Variants in PRKCA observed in about 807,000 individuals in gnomAD.
The protein encoded by PRKCA is protein kinase C alpha.
Under a neutral mutation model 87.0 loss-of-function variants are expected in PRKCA, and 27 were observed. That is an observed-to-expected ratio of 0.31 (90% CI 0.23 to 0.43). PRKCA has a LOEUF of 0.43. PRKCA is among the 20% of genes least tolerant of loss of function. The pLI is 1.00. For synonymous variants in PRKCA, 329 were observed against 311.1 expected (o/e 1.06, Z -0.61); for missense variants, 518 against 852.3 (o/e 0.61, Z 4.88).
intron 2 of PRKCA, 160 bp downstream of exon 2, chr17:66,306,287 G>A (rs1904810134): frequency 1.5e-6 from 1 of 655,530 alleles, no homozygotes; most frequent in African/African-American, 1.9e-5. Flanking sequence ...AAATAATTGG[G>A]GCCTACTAAT....
intron 5 of PRKCA, among the ~76,000 whole-genome samples, chr17:66,649,742 G>T (rs76909364): frequency 6.6e-6 from 1 of 152,130 alleles, no homozygotes; most frequent in Non-Finnish European, 1.5e-5. Context: ...CCAAACATGG[G>T]ACTTAAAACC....
chr17:66,384,697 C>T (rs943418007), intron 2 of PRKCA, among the ~76,000 whole-genome samples: 17 of 151,904 alleles, frequency 1.1e-4, no homozygotes, highest in Admixed American at 5.2e-4. Flanking sequence ...GGTGCCATCT[C>T]GGCTCACTGC....
chr17:66,321,583 G>T (rs546159119), intron 2 of PRKCA, among the ~76,000 whole-genome samples: 1 of 151,994 alleles, frequency 6.6e-6, no homozygotes. Flanking sequence ...TTGCTCTGTC[G>T]TCTATGCTGG....
At chr17:66,480,153 G>C (rs555885156) in intron 2 of PRKCA, among the ~76,000 whole-genome samples, 1 of 152,054 alleles carries the variant, frequency 6.6e-6, no homozygotes, top group South Asian at 2.1e-4. Flanking sequence ...AAATTTGTGG[G>C]TGCTTCTATG....
chr17:66,774,315 T>G, intron 14 of PRKCA: 1 of 1,335,740 alleles, frequency 7.5e-7, no homozygotes, highest in Non-Finnish European at 9.7e-7. Flanking sequence ...CAGTGTCAGT[T>G]TCACGTTATG....
intron 3 of PRKCA, among the ~76,000 whole-genome samples, chr17:66,596,278 A>G (rs1250352593): frequency 6.6e-6 from 1 of 152,202 alleles, no homozygotes; most frequent in Non-Finnish European, 1.5e-5. Context: ...GGAGCCCAAT[A>G]AAAGCAAGAT....
chr17:66,514,686 C>T (rs1309698338), intron 3 of PRKCA, among the ~76,000 whole-genome samples: 2 of 151,958 alleles, frequency 1.3e-5, no homozygotes, highest in African/African-American at 4.8e-5. Flanking sequence ...TGTGAGATGC[C>T]TGCTTCATTA....
At chr17:66,517,752 C>A (rs757450775) in intron 3 of PRKCA, among the ~76,000 whole-genome samples, 1 of 152,132 alleles carries the variant, frequency 6.6e-6, no homozygotes, top group African/African-American at 2.4e-5. Flanking sequence ...AAGTTCTTGG[C>A]GCAAGTGCCA....
chr17:66,752,846 A>G (rs1974468781), intron 13 of PRKCA, among the ~76,000 whole-genome samples: 1 of 152,198 alleles, frequency 6.6e-6, no homozygotes, highest in Non-Finnish European at 1.5e-5. Flanking sequence ...CAGAAGCCAC[A>G]GGCTGCTGAA....
intron 3 of PRKCA, among the ~76,000 whole-genome samples, chr17:66,552,269 G>A (rs1968358821): frequency 6.6e-6 from 1 of 152,222 alleles, no homozygotes; most frequent in African/African-American, 2.4e-5. Flanking sequence ...CTGCACTCCA[G>A]TCTGGGTAAT....
chr17:66,775,284 C>A (rs935317454), intron 14 of PRKCA: 1 of 985,100 alleles, frequency 1.0e-6, no homozygotes, highest in African/African-American at 1.7e-5. Flanking sequence ...GCCCTACTAC[C>A]TTTTAGGGTC....
intron 14 of PRKCA, 43 bp downstream of exon 14, chr17:66,774,110 A>C: frequency 6.2e-7 from 1 of 1,613,706 alleles, no homozygotes; most frequent in South Asian, 1.1e-5. Flanking sequence ...TTGCTGTGTT[A>C]TGTGAATACT....
chr17:66,781,976 C>T (rs1336553246), intron 14 of PRKCA, among the ~76,000 whole-genome samples: 1 of 151,096 alleles, frequency 6.6e-6, no homozygotes, highest in Non-Finnish European at 1.5e-5. Context: ...TGCAGTGGTG[C>T]AATCTCGGCT....
intron 9 of PRKCA, among the ~76,000 whole-genome samples, chr17:66,734,885 G>A (rs1973987366): frequency 2.3e-5 from 2 of 87,406 alleles, no homozygotes; most frequent in African/African-American, 4.6e-5. Flanking sequence ...AAAAGCTATA[G>A]TGGGTTCACT....
At chr17:66,420,580 C>A (rs1026269350) in intron 2 of PRKCA, among the ~76,000 whole-genome samples, 5 of 152,094 alleles carry the variant, frequency 3.3e-5, no homozygotes, top group Non-Finnish European at 5.9e-5. Flanking sequence ...TGATTTTACC[C>A]AACTGTAGGC....
chr17:66,787,067 A>G, intron 15 of PRKCA, 93 bp downstream of exon 15: 1 of 1,003,150 alleles, frequency 1.0e-6, no homozygotes, highest in African/African-American at 1.6e-5. Flanking sequence ...TGGCAGAAAC[A>G]CCACAAACCC....
intron 3 of PRKCA, among the ~76,000 whole-genome samples, chr17:66,568,145 T>A (rs1968955943): frequency 6.6e-6 from 1 of 152,036 alleles, no homozygotes; most frequent in Non-Finnish European, 1.5e-5. Flanking sequence ...TGAAACCCCA[T>A]CTCTAGTAAA....
chr17:66,562,225 A>ATT (rs1461981409), intron 3 of PRKCA, among the ~76,000 whole-genome samples: 40 of 133,704 alleles, frequency 3.0e-4, no homozygotes, highest in Non-Finnish European at 3.7e-4. Context: ...ATTATATATA[A>ATT]TTATATATAT....
At chr17:66,505,959 G>T (rs1237886857) in intron 3 of PRKCA, among the ~76,000 whole-genome samples, 4 of 152,138 alleles carry the variant, frequency 2.6e-5, no homozygotes, top group Admixed American at 6.6e-5. Context: ...GGGGAGACAG[G>T]CGTGAGCAGC....
Sources: gnomAD v4.1 joint callset for allele counts (sites outside exome capture counted in the v4.1 genomes callset) on GRCh38, gnomAD v4.1.1 for gene constraint, MANE v1.5 for transcripts, NCBI Gene and HGNC (gene_info 2026-07-23, HGNC 2026-07-21) for gene names.